Variants in CSF3R observed in about 807,000 individuals in gnomAD.
CSF3R encodes the protein granulocyte colony-stimulating factor receptor.
Under a neutral mutation model 84.4 loss-of-function variants are expected in CSF3R, and 52 were observed. The observed-to-expected ratio is 0.62, with a 90% CI of 0.49 to 0.78. CSF3R has a LOEUF of 0.78. Among genes scored for constraint, CSF3R ranks in the 30% least tolerant of loss-of-function variants. The pLI, the probability that CSF3R is intolerant of heterozygous loss-of-function variation, is 0.00. For missense variants in CSF3R, 890 were observed against 1,055.7 expected (o/e 0.84, Z 2.17); for synonymous variants, 384 against 429.1 (o/e 0.89, Z 1.30).
intron 3 of CSF3R, among the ~76,000 whole-genome samples, chr1:36,476,600 C>G (rs1445412465): frequency 6.6e-6 from 1 of 151,858 alleles, no homozygotes; most frequent in East Asian, 1.9e-4. Context: ...TCTTTCTAAT[C>G]TCTGGATCTT....
At position 36,474,475 on chromosome 1, in the gene CSF3R, C is replaced by T. The variant is rs551325745; in HGVS notation, c.362-588G>A. Among the ~76,000 whole-genome samples, 11 of 144,228 alleles carry T rather than the reference C, an allele frequency of 7.6e-5. No homozygotes were observed. The East Asian group carries it at 2.1e-3, about 28-fold the overall frequency. 94.6% of individuals were successfully genotyped at this position (144,228 alleles called of 152,430 possible). ...TGCAGTGGCGTGATCTCGGCTCACT[C>T]GGCTAATTTTTGTATTTTTAGTAGA... On this transcript the variant is annotated intron_variant, in intron 4 of 16. Transcript: ENST00000373106.
intron 4 of CSF3R, among the ~76,000 whole-genome samples, chr1:36,474,288 G>A (rs1487571843): frequency 2.6e-5 from 4 of 151,536 alleles, no homozygotes; most frequent in African/African-American, 4.9e-5. Context: ...ACCCCCTAGC[G>A]TTATCACAAG....
chr1:36,467,108 A>T lies in CSF3R; in HGVS notation c.2040+122T>A. Reference sequence around the variant, plus strand: ...TTCAAAGTTGGGTCTGCTTCAGTCCAAAGGGACGAGATGTTGCCGGAAGTG... The same window carrying T: ...TTCAAAGTTGGGTCTGCTTCAGTCCTAAGGGACGAGATGTTGCCGGAAGTG... On this transcript the variant is annotated intron_variant, in intron 16 of 16. Coordinates refer to ENST00000373106, the MANE Select transcript of CSF3R (RefSeq NM_000760.4). This position sits in a 1 kb window ranked among gnomAD's most constrained non-coding sequence, Gnocchi z 4.1. 7.6e-7 allele frequency: 1 copy of T among 1,310,946 alleles called. No homozygotes were observed. The highest frequency in any genetic ancestry group is 1.2e-5 in the South Asian group (1 of 82,296). The allele number at this position is 1,310,946 out of a possible 1,614,324, so 81.2% of individuals were successfully genotyped here.
Position 36,467,134 on chromosome 1 carries a change from A to ACT in CSF3R, c.2040+95_2040+96insAG, listed in dbSNP as rs1455435633. The ACT allele has an allele frequency of 7.1e-7, 1 of 1,408,908 alleles. No homozygotes were observed. The highest frequency in any genetic ancestry group is 1.4e-5 in the African/African-American group (1 of 70,560). 87.3% of individuals were successfully genotyped at this position (1,408,908 alleles called of 1,614,324 possible). A position where few individuals can be genotyped will look rare whatever the true frequency, so the allele number is the denominator to read the frequency against. Reference sequence around the variant, plus strand: ...AAGGGACGAGATGTTGCCGGAAGTGACAGGAAGGCCTGAGTACTTGGCTTC... The same window carrying ACT: ...AAGGGACGAGATGTTGCCGGAAGTGACTCAGGAAGGCCTGAGTACTTGGCTTC... On this transcript the variant is annotated intron_variant, in intron 16 of 16. Coordinates refer to ENST00000373106, the MANE Select transcript of CSF3R (RefSeq NM_000760.4). The surrounding 1 kb of genome is among the most constrained non-coding windows in gnomAD (Gnocchi z 4.1).
At position 36,466,214 on chromosome 1, in the gene CSF3R, G is replaced by C; in HGVS notation, c.*143C>G. The C allele has an allele frequency of 1.9e-6, 3 of 1,614,220 alleles. No individual in the cohort carries two copies. The highest frequency in any genetic ancestry group is 2.5e-6 in the Non-Finnish European group (3 of 1,180,030). ...GGGAGGCCCAGCCTATGGAGATTGG[G>C]AGGAGAGGGAGATGCTGGTGACTGG... On this transcript the variant is annotated 3_prime_UTR_variant, in exon 17 of 17. Coordinates refer to ENST00000373106, the MANE Select transcript of CSF3R (RefSeq NM_000760.4). The surrounding 1 kb of genome is among the most constrained non-coding windows in gnomAD (Gnocchi z 4.6).
chr1:36,467,548 A>G lies in CSF3R; in HGVS notation c.1958+10T>C, dbSNP rs778188621. The stretch of plus-strand genomic sequence containing the variant: ...GGAAGCAGGATCTCAGGTCTCTCAA[A>G]GGGACTCACTTGGGGCTGCAACAGA... On this transcript the variant is annotated intron_variant, in intron 15 of 16. Transcript: ENST00000373106. This position sits in a 1 kb window ranked among gnomAD's most constrained non-coding sequence, Gnocchi z 4.1. 2 of 1,613,294 alleles carry G rather than the reference A, an allele frequency of 1.2e-6. No individual in the cohort carries two copies. The highest frequency in any genetic ancestry group is 1.7e-6 in the Non-Finnish European group (2 of 1,179,376).
At chr1:36,480,524 T>C (rs1651455874) in intron 2 of CSF3R, among the ~76,000 whole-genome samples, 1 of 152,160 alleles carries the variant, frequency 6.6e-6, no homozygotes, top group African/African-American at 2.4e-5. Flanking sequence ...TCCAGCCTCA[T>C]CTTCACCCTG....
At position 36,466,639 on chromosome 1, in the gene CSF3R, C is replaced by T. The variant is rs1650334360; in HGVS notation, c.2229G>A (p.Gln743=). The T allele has an allele frequency of 6.2e-7, 1 of 1,614,128 alleles. No individual in the cohort carries two copies. ...AAAGGACCTGATCGCTGGTGCCAGA[C>T]TGGGATTGGGGCTGGGTGGAAACTG... ...PRAVSTQPQS[Q]SGTSDQVLYG... is the part of the protein sequence containing the mutation. The change falls in exon 17 of 17, where the codon CAG becomes CAA. Residue 743 remains glutamine (Q), a synonymous_variant. Coordinates refer to ENST00000373106, the MANE Select transcript of CSF3R (RefSeq NM_000760.4). This position sits in a 1 kb window ranked among gnomAD's most constrained non-coding sequence, Gnocchi z 4.6.
At chr1:36,474,868 C>T (rs2124133456) in intron 4 of CSF3R, among the ~76,000 whole-genome samples, 1 of 152,300 alleles carries the variant, frequency 6.6e-6, no homozygotes, top group South Asian at 2.1e-4. Flanking sequence ...GGGCAAGTCA[C>T]TTACCCTCCC....
intron 5 of CSF3R, 28 bp downstream of exon 5, chr1:36,473,736 G>A (rs1650937626): frequency 1.2e-6 from 2 of 1,614,170 alleles, no homozygotes; most frequent in Non-Finnish European, 1.7e-6. Flanking sequence ...TCCAAAGGGA[G>A]GGGACCAAGG....
At position 36,472,203 on chromosome 1, in the gene CSF3R, T is replaced by A; in HGVS notation, c.997+35A>T. On this transcript the variant is annotated intron_variant, in intron 8 of 16. Coordinates refer to ENST00000373106, the MANE Select transcript of CSF3R (RefSeq NM_000760.4). This position sits in a 1 kb window ranked among gnomAD's most constrained non-coding sequence, Gnocchi z 5.0. ...GGGGCCTGGGGCCTGGACTGGATAC[T>A]GTTGGCTGCTCCCAGCCTCTCATCA... The A allele has an allele frequency of 2.5e-6, 4 of 1,614,126 alleles. No individual in the cohort carries two copies. The highest frequency in any genetic ancestry group is 3.4e-6 in the Non-Finnish European group (4 of 1,180,006).
chr1:36,482,254 T>C (rs1002653504), intron 1 of CSF3R, among the ~76,000 whole-genome samples: 3 of 144,814 alleles, frequency 2.1e-5, no homozygotes, highest in Non-Finnish European at 4.5e-5. Context: ...GCCAGAGAGA[T>C]ATCGAGAGAC....
chr1:36,475,691 G>A lies in CSF3R; in HGVS notation c.65-18C>T, dbSNP rs765224145. ...CTCCAGACCTGGGGTGGAAGAGAAT[G>A]GGCCAGGAACGACGCCTCTGCCTAG... On this transcript the variant is annotated intron_variant, in intron 3 of 16. Coordinates refer to ENST00000373106, the MANE Select transcript of CSF3R (RefSeq NM_000760.4). 5.0e-6 allele frequency: 8 copies of A among 1,601,750 alleles called. No homozygotes were observed. The highest frequency in any genetic ancestry group is 1.7e-6 in the Non-Finnish European group (2 of 1,172,178).
chr1:36,478,403 C>T (rs1651301709), intron 3 of CSF3R, among the ~76,000 whole-genome samples: 1 of 151,694 alleles, frequency 6.6e-6, no homozygotes, highest in Non-Finnish European at 1.5e-5. Flanking sequence ...GTGGCAGGTG[C>T]CTGTAATCCC....
intron 1 of CSF3R, 23 bp downstream of exon 1, chr1:36,482,788 C>T (rs1233565791): frequency 6.6e-6 from 1 of 152,434 alleles, no homozygotes; most frequent in African/African-American, 2.4e-5. Flanking sequence ...GGCTCAGCCC[C>T]TCTCTAGGGA....
Position 36,466,992 on chromosome 1 carries a change from G to T in CSF3R, c.2041-165C>A. ...ACTAGTATGTTCCTCACACATGCCT[G>T]ACACATGCCATGCACCGTTCAGACT... On this transcript the variant is annotated intron_variant, in intron 16 of 16. Coordinates refer to ENST00000373106, the MANE Select transcript of CSF3R (RefSeq NM_000760.4). The surrounding 1 kb of genome is among the most constrained non-coding windows in gnomAD (Gnocchi z 4.6). 1.3e-6 allele frequency: 2 copies of T among 1,528,460 alleles called. No individual in the cohort carries two copies. Among genetic ancestry groups the T allele is most frequent in the Non-Finnish European group, 1.8e-6 (2 of 1,117,518 alleles). The allele number at this position is 1,528,460 out of a possible 1,614,324, so 94.7% of individuals were successfully genotyped here.
chr1:36,472,059 GA>G lies in CSF3R; in HGVS notation c.1071+6del, dbSNP rs1404353050. The G allele has an allele frequency of 6.2e-7, 1 of 1,613,050 alleles. No individual in the cohort carries two copies. Among genetic ancestry groups the G allele is most frequent in the East Asian group, 2.2e-5 (1 of 44,874 alleles). ...GAGGTGGAGGGATGGCCTTCAGAGG[GA>G]GTCACCTTCCAGAACAGCTGCACTG... On this transcript the variant is annotated splice_donor_region_variant and intron_variant, in intron 9 of 16. Coordinates refer to ENST00000373106, the MANE Select transcript of CSF3R (RefSeq NM_000760.4). This position sits in a 1 kb window ranked among gnomAD's most constrained non-coding sequence, Gnocchi z 5.0.
In CSF3R at chr1:36,472,496, C is replaced by T. The variant is rs1247432794; in HGVS notation, c.843+21G>A. Reference sequence around the variant, plus strand: ...CCCTGCCCCCACCACCTCAGGCTCTCCAGGTTGCCCTCTGCCTCACCAGTG... The same window carrying T: ...CCCTGCCCCCACCACCTCAGGCTCTTCAGGTTGCCCTCTGCCTCACCAGTG... On this transcript the variant is annotated intron_variant, in intron 7 of 16. Coordinates refer to ENST00000373106, the MANE Select transcript of CSF3R (RefSeq NM_000760.4). This position sits in a 1 kb window ranked among gnomAD's most constrained non-coding sequence, Gnocchi z 5.0. The T allele has an allele frequency of 1.9e-6, 3 of 1,614,126 alleles. No homozygotes were observed. Among genetic ancestry groups the T allele is most frequent in the Admixed American group, 1.7e-5 (1 of 60,024 alleles).
At position 36,466,360 on chromosome 1, in the gene CSF3R, G is replaced by A; in HGVS notation, c.2508C>T (p.Phe836=). 1 of 1,612,818 alleles carries A rather than the reference G, an allele frequency of 6.2e-7. No individual in the cohort carries two copies. The highest frequency in any genetic ancestry group is 8.5e-7 in the Non-Finnish European group (1 of 1,179,974). Residue 836 remains phenylalanine (F), a synonymous_variant, in exon 17 of 17, where the codon TTC becomes TTT. Transcript: ENST00000373106. The surrounding 1 kb of genome is among the most constrained non-coding windows in gnomAD (Gnocchi z 4.6). ...AAGAAGGGAACCCCAGGAAGCCCTA[G>A]AAGCTCCCCAGCGCCTCCATCCCAT... is the stretch of plus-strand genomic sequence containing the variant. ...RVHGMEALGS[F]
Sources: allele counts gnomAD v4.1 joint callset (sites outside exome capture counted in the v4.1 genomes callset), GRCh38; gene constraint gnomAD v4.1.1; non-coding constraint Gnocchi (gnomAD v3.1); transcripts MANE v1.5; gene names NCBI Gene and HGNC (gene_info 2026-07-23, HGNC 2026-07-21).